Variants in TRIM33 observed in about 807,000 individuals in gnomAD.
The protein encoded by TRIM33 is tripartite motif containing 33.
A neutral mutation model predicts 125.4 loss-of-function variants in TRIM33; 20 were observed. The ratio of observed to expected loss-of-function variants is 0.16; its 90% CI spans 0.11 to 0.23. The LOEUF (loss-of-function observed/expected upper bound fraction) is 0.23, where lower values mean the gene tolerates loss of function less well. Among genes scored for constraint, TRIM33 ranks in the 10% least tolerant of loss-of-function variants. The probability of loss-of-function intolerance (pLI) is 1.00; values close to 1 mark genes in which losing one functional copy is unlikely to be tolerated. For synonymous variants in TRIM33, 564 were observed against 513.9 expected (o/e 1.10, Z -1.32); for missense variants, 920 against 1,411.4 (o/e 0.65, Z 5.58).
chr1:114,490,957 A>T (rs1652025043), intron 1 of TRIM33: 1 of 152,236 alleles, frequency 6.6e-6, no homozygotes, highest in Admixed American at 6.5e-5. Flanking sequence ...GAATAGGCAA[A>T]TCTATAGAGA....
chr1:114,472,747 A>C (rs1650728401), intron 1 of TRIM33, among the ~76,000 whole-genome samples: 2 of 152,004 alleles, frequency 1.3e-5, no homozygotes, highest in African/African-American at 2.4e-5. Flanking sequence ...ACAAAAACAA[A>C]ACACAGAGGA....
At chr1:114,438,898 T>C (rs1314057580) in intron 4 of TRIM33, among the ~76,000 whole-genome samples, 1 of 152,150 alleles carries the variant, frequency 6.6e-6, no homozygotes, top group Non-Finnish European at 1.5e-5. Flanking sequence ...TAAAGCTCTA[T>C]ATGAAGGGGA....
At position 114,421,593 on chromosome 1, in the gene TRIM33, A is replaced by G. The variant is rs1459409720; in HGVS notation, c.1904T>C (p.Val635Ala). Residue 635 changes from valine to alanine, a missense_variant, in exon 11 of 20, where the codon GTA becomes GCA. Transcript: ENST00000358465. Reference protein sequence around the residue: ...GHAGPFPVVSVHNTTINPTSP... With the variant: ...GHAGPFPVVSAHNTTINPTSP... ...CGTTGGGTTGATTGTGGTGTTGTGT[A>G]CCGATACTACGGGAAAGGGTCCAGC... The G allele has an allele frequency of 6.2e-7, 1 of 1,614,122 alleles. No homozygotes were observed. Among genetic ancestry groups the G allele is most frequent in the African/African-American group, 1.3e-5 (1 of 75,034 alleles).
intron 6 of TRIM33, among the ~76,000 whole-genome samples, chr1:114,429,372 T>C (rs1313276734): frequency 6.6e-6 from 1 of 151,668 alleles, no homozygotes; most frequent in East Asian, 1.9e-4. Context: ...TTTTTTTTTT[T>C]AGTAGAGATG....
chr1:114,480,021 G>T (rs940507751), intron 1 of TRIM33, among the ~76,000 whole-genome samples: 1 of 152,198 alleles, frequency 6.6e-6, no homozygotes, highest in Non-Finnish European at 1.5e-5. Context: ...TGATGATGGC[G>T]GTTTTGTGGA....
At chr1:114,446,385 T>A (rs933801925) in intron 4 of TRIM33, among the ~76,000 whole-genome samples, 11 of 152,184 alleles carry the variant, frequency 7.2e-5, no homozygotes, top group Admixed American at 5.9e-4. Flanking sequence ...CTTTTTTTTT[T>A]AAGTATTGTA....
At chr1:114,437,764 G>T (rs1236778636) in intron 4 of TRIM33, among the ~76,000 whole-genome samples, 1 of 152,274 alleles carries the variant, frequency 6.6e-6, no homozygotes, top group African/African-American at 2.4e-5. Context: ...AAAACTTTTT[G>T]TGCTTCTGGC....
intron 1 of TRIM33, among the ~76,000 whole-genome samples, chr1:114,487,672 T>C (rs934135001): frequency 1.4e-5 from 2 of 142,386 alleles, no homozygotes; most frequent in African/African-American, 2.6e-5. Flanking sequence ...CCGAGGCGGG[T>C]GGATCATGAG....
At chr1:114,417,986 A>T (rs1003363730) in intron 11 of TRIM33, among the ~76,000 whole-genome samples, 1 of 152,064 alleles carries the variant, frequency 6.6e-6, no homozygotes, top group Non-Finnish European at 1.5e-5. Context: ...CTATCATGTG[A>T]CTCTAGGAAA....
intron 11 of TRIM33, among the ~76,000 whole-genome samples, chr1:114,420,896 G>GTTACATCAGAGAAATTA (rs1178428457): frequency 6.6e-6 from 1 of 152,130 alleles, no homozygotes; most frequent in Non-Finnish European, 1.5e-5. Context: ...AACTGAAATT[G>GTTACATCAGAGAAATTA]TTACATCAGA....
rs1049559433 is a variant in TRIM33 at position 114,392,954 on chromosome 1, C to T, written c.*4694G>A. The T allele has an allele frequency of 2.5e-5, 5 of 199,750 alleles. No individual in the cohort carries two copies. Among genetic ancestry groups the T allele is most frequent in the African/African-American group, 4.6e-5 (2 of 43,466 alleles). The allele number at this position is 199,750 out of a possible 1,614,324, so 12.4% of individuals were successfully genotyped here. Reference sequence around the variant, plus strand: ...AATAACCATGAAAAGAAAAAACTTGCTTTTATTACACACCAGCAAAAACAC... The same window carrying T: ...AATAACCATGAAAAGAAAAAACTTGTTTTTATTACACACCAGCAAAAACAC... On this transcript the variant is annotated 3_prime_UTR_variant, in exon 20 of 20. Coordinates refer to ENST00000358465, the MANE Select transcript of TRIM33 (RefSeq NM_015906.4).
chr1:114,459,485 T>C (rs1286044339), intron 4 of TRIM33, among the ~76,000 whole-genome samples: 1 of 152,174 alleles, frequency 6.6e-6, no homozygotes, highest in Non-Finnish European at 1.5e-5. Flanking sequence ...TAAAATATTG[T>C]TGAGCTGGGC....
At chr1:114,437,959 A>G (rs937373400) in intron 4 of TRIM33, among the ~76,000 whole-genome samples, 3 of 152,280 alleles carry the variant, frequency 2.0e-5, no homozygotes, top group East Asian at 1.9e-4. Context: ...TGCTGGGCAC[A>G]GTGGCCCACA....
intron 1 of TRIM33, among the ~76,000 whole-genome samples, chr1:114,485,991 T>C (rs777606927): frequency 1.1e-4 from 16 of 152,226 alleles, no homozygotes; most frequent in South Asian, 2.1e-4. Context: ...AAAAGCAATA[T>C]AAGCCAGGCA....
At chr1:114,471,166 A>G (rs989342423) in intron 1 of TRIM33, among the ~76,000 whole-genome samples, 3 of 152,212 alleles carry the variant, frequency 2.0e-5, no homozygotes, top group African/African-American at 7.2e-5. Context: ...AAAGCAAATC[A>G]GACTGGGCAT....
chr1:114,421,450 T>C lies in TRIM33; in HGVS notation c.2047A>G (p.Ile683Val). ...CAAATACAAACCTGTATGGGTGGAA[T>C]ATCTGGCAGCGATGGAAGGTTTTCT... is the stretch of plus-strand genomic sequence containing the variant. Reference protein sequence around the residue: ...NPENLPSLPDIPPIQLEDAGS... With the variant: ...NPENLPSLPDVPPIQLEDAGS... Residue 683 changes from isoleucine (I) to valine (V), a missense_variant, in exon 11 of 20, where the codon ATT becomes GTT. Ile to Val is a conservative substitution (Grantham distance 29). This residue lies in a region of TRIM33 where 407 missense variants were observed against 589.7 expected (regional missense o/e 0.69). Coordinates refer to ENST00000358465, the MANE Select transcript of TRIM33 (RefSeq NM_015906.4). The C allele has an allele frequency of 6.2e-7, 1 of 1,614,038 alleles. No individual in the cohort carries two copies.
chr1:114,456,176 C>G (rs1649609818), intron 4 of TRIM33, among the ~76,000 whole-genome samples: 1 of 152,120 alleles, frequency 6.6e-6, no homozygotes, highest in South Asian at 2.1e-4. Context: ...AAAAGTACAC[C>G]TGTCTAATAT....
At chr1:114,408,182 C>T (rs1652369085) in intron 13 of TRIM33, among the ~76,000 whole-genome samples, 2 of 151,990 alleles carry the variant, frequency 1.3e-5, no homozygotes, top group Non-Finnish European at 2.9e-5. Flanking sequence ...ATGGAGAAAT[C>T]GGGAAAACAC....
At chr1:114,398,594 GT>G (rs1196826168) in intron 18 of TRIM33, among the ~76,000 whole-genome samples, 1 of 151,936 alleles carries the variant, frequency 6.6e-6, no homozygotes, top group Non-Finnish European at 1.5e-5. Context: ...ATTTTGTTTT[GT>G]TTTTGATTTT....
Sources: allele counts gnomAD v4.1 joint callset (sites outside exome capture counted in the v4.1 genomes callset), GRCh38; gene constraint gnomAD v4.1.1; regional missense constraint gnomAD v4.1.1; transcripts MANE v1.5; gene names NCBI Gene and HGNC (gene_info 2026-07-23, HGNC 2026-07-21).